Variants in GABPB1 observed in about 807,000 individuals in gnomAD.
The protein encoded by GABPB1 is GA binding protein transcription factor subunit beta 1, also known as GA-binding protein subunit beta-1.
In GABPB1, 15 loss-of-function variants were observed where a neutral mutation model predicts 45.9. The observed-to-expected ratio is 0.33, with a 90% CI of 0.22 to 0.50. The LOEUF is 0.50. Among genes scored for constraint, GABPB1 ranks in the 20% least tolerant of loss-of-function variants. GABPB1 has a pLI of 0.98. For synonymous variants in GABPB1, 143 were observed against 154.4 expected (o/e 0.93, Z 0.55); for missense variants, 252 against 457.5 (o/e 0.55, Z 4.10).
rs2045874417 is a variant in GABPB1 at position 50,278,141 on chromosome 15, G to A, written c.*491C>T. 6.6e-6 allele frequency: 1 copy of A among 152,572 alleles called. No homozygotes were observed. The allele number at this position is 152,572 out of a possible 1,614,324, so 9.5% of individuals were successfully genotyped here. A position where few individuals can be genotyped will look rare whatever the true frequency, so the allele number is the denominator to read the frequency against. ...TTGCTTTCTAAAAAATGTTTTCAGA[G>A]AATCTGACACAACTTAAAGCTGTAC... On this transcript the variant is annotated 3_prime_UTR_variant, in exon 9 of 9. Transcript: ENST00000380877.
chr15:50,328,528 G>A (rs1043629909), intron 1 of GABPB1, among the ~76,000 whole-genome samples: 2 of 152,194 alleles, frequency 1.3e-5, no homozygotes, highest in Non-Finnish European at 2.9e-5. Context: ...GACAAAAAAT[G>A]TCAATAGCAA....
chr15:50,294,100 G>A (rs2046433748), intron 6 of GABPB1, among the ~76,000 whole-genome samples: 1 of 152,148 alleles, frequency 6.6e-6, no homozygotes, highest in Non-Finnish European at 1.5e-5. Context: ...GACGACATCT[G>A]AGATCTCTTG....
At chr15:50,328,897 C>A (rs185449826) in intron 1 of GABPB1, among the ~76,000 whole-genome samples, 20 of 152,242 alleles carry the variant, frequency 1.3e-4, no homozygotes, top group Middle Eastern at 3.4e-3. Flanking sequence ...AATATATTAT[C>A]GTTTTTCATT....
At chr15:50,353,025 G>T (rs1356233577) in intron 1 of GABPB1, 1 of 152,126 alleles carries the variant, frequency 6.6e-6, no homozygotes, top group Non-Finnish European at 1.5e-5. Flanking sequence ...TGTAAAATCT[G>T]TACCTCCTAT....
rs1186407065 is a variant in GABPB1 at position 50,276,297 on chromosome 15, G to C, written c.*2335C>G. ...CTATTGAGAATGACTAGAATGCAAA[G>C]CTTTTACAGCCCACCTGAAAACAGC... On this transcript the variant is annotated 3_prime_UTR_variant, in exon 9 of 9. Coordinates refer to ENST00000380877, the MANE Select transcript of GABPB1 (RefSeq NM_016654.5). 1 of 152,190 alleles carries C rather than the reference G, an allele frequency of 6.6e-6. No individual in the cohort carries two copies. The allele number at this position is 152,190 out of a possible 1,614,324, so 9.4% of individuals were successfully genotyped here. A position where few individuals can be genotyped will look rare whatever the true frequency, so the allele number is the denominator to read the frequency against.
intron 1 of GABPB1, chr15:50,351,197 A>C (rs1382408507): frequency 6.6e-6 from 1 of 152,266 alleles, no homozygotes; most frequent in Non-Finnish European, 1.5e-5. Flanking sequence ...CAAAAAGCCA[A>C]CACAATACCC....
At chr15:50,280,355 A>G (rs1218182637) in intron 8 of GABPB1, among the ~76,000 whole-genome samples, 1 of 152,196 alleles carries the variant, frequency 6.6e-6, no homozygotes, top group Non-Finnish European at 1.5e-5. Context: ...CAGGACTTTA[A>G]GGACACCAAT....
At chr15:50,338,437 C>T (rs1276304720) in intron 1 of GABPB1, among the ~76,000 whole-genome samples, 1 of 152,122 alleles carries the variant, frequency 6.6e-6, no homozygotes, top group East Asian at 1.9e-4. Flanking sequence ...AAACATACTA[C>T]ATAAAAAAAT....
chr15:50,318,143 T>C (rs2047417290), intron 1 of GABPB1, among the ~76,000 whole-genome samples: 2 of 152,178 alleles, frequency 1.3e-5, no homozygotes, highest in Admixed American at 1.3e-4. Context: ...AACAAGATCA[T>C]TATTGTCTCC....
At position 50,277,897 on chromosome 15, in the gene GABPB1, A is replaced by G. The variant is rs1441173333; in HGVS notation, c.*735T>C. On this transcript the variant is annotated 3_prime_UTR_variant, in exon 9 of 9. Transcript: ENST00000380877. ...TGTCATTCCAATAAAACCAGCTGCC[A>G]GCTTACTTCGTTTCAATGACCTACA... 6.6e-6 allele frequency: 1 copy of G among 152,272 alleles called. No homozygotes were observed. The highest frequency in any genetic ancestry group is 1.9e-4 in the East Asian group (1 of 5,200). 9.4% of individuals were successfully genotyped at this position (152,272 alleles called of 1,614,324 possible). A position where few individuals can be genotyped will look rare whatever the true frequency, so the allele number is the denominator to read the frequency against.
intron 8 of GABPB1, among the ~76,000 whole-genome samples, chr15:50,281,594 A>G (rs2045981522): frequency 6.6e-6 from 1 of 152,210 alleles, no homozygotes; most frequent in Non-Finnish European, 1.5e-5. Context: ...AACTGCCCTG[A>G]GCCAAATATG....
intron 6 of GABPB1, among the ~76,000 whole-genome samples, chr15:50,298,764 C>T (rs1400124845): frequency 2.0e-5 from 3 of 152,076 alleles, no homozygotes; most frequent in Non-Finnish European, 2.9e-5. Flanking sequence ...CCAGCTTGGC[C>T]AACATGGTGA....
At chr15:50,325,207 G>C (rs371212534) in intron 1 of GABPB1, among the ~76,000 whole-genome samples, 25 of 151,818 alleles carry the variant, frequency 1.6e-4, no homozygotes, top group African/African-American at 6.0e-4. Context: ...GTACCCCATG[G>C]TAAGTGGGCC....
intron 6 of GABPB1, 53 bp downstream of exon 6, chr15:50,300,736 C>T (rs2046710808): frequency 8.9e-7 from 1 of 1,128,216 alleles, no homozygotes; most frequent in African/African-American, 1.5e-5. Flanking sequence ...TGAGCCACGG[C>T]ACCCAGCCTG....
intron 2 of GABPB1, among the ~76,000 whole-genome samples, chr15:50,306,943 A>G (rs2046970675): frequency 6.6e-6 from 1 of 152,128 alleles, no homozygotes; most frequent in South Asian, 2.1e-4. Context: ...AGTAAACCAC[A>G]ATTAATTTAA....
chr15:50,343,000 C>A (rs1487318057), intron 1 of GABPB1, among the ~76,000 whole-genome samples: 1 of 151,934 alleles, frequency 6.6e-6, no homozygotes, highest in South Asian at 2.1e-4. Context: ...CCCGGGTTCA[C>A]GCCATTCTCC....
intron 1 of GABPB1, among the ~76,000 whole-genome samples, chr15:50,318,961 G>A (rs2047453168): frequency 6.6e-6 from 1 of 152,192 alleles, no homozygotes; most frequent in Admixed American, 6.5e-5. Flanking sequence ...TTCCTGGGGT[G>A]TAATGTAAAG....
chr15:50,329,827 T>A (rs185671223), intron 1 of GABPB1, among the ~76,000 whole-genome samples: 1 of 152,148 alleles, frequency 6.6e-6, no homozygotes, highest in Non-Finnish European at 1.5e-5. Context: ...GTTTCTAATT[T>A]GTCTTTTAAG....
At position 50,340,989 on chromosome 15, in the gene GABPB1, ATATTACATATTACATATGGTT is replaced by A. The variant is rs1238601998; in HGVS notation, c.-1+13975_-1+13995del. Among the ~76,000 whole-genome samples the A allele has an allele frequency of 1.4e-3, 166 of 120,970 alleles. 1 individual carries two copies. Among genetic ancestry groups the A allele is most frequent in the African/African-American group, 4.4e-3 (145 of 32,844 alleles). 79.4% of individuals were successfully genotyped at this position (120,970 alleles called of 152,430 possible). Reference sequence around the variant, plus strand: ...TACATATGGTTTATTACCATATGTAATATTACATATTACATATGGTTTATTACATATTACATATGGTTTATT... The same window carrying A: ...TACATATGGTTTATTACCATATGTAATATTACATATTACATATGGTTTATT... On this transcript the variant is annotated intron_variant, in intron 1 of 8. Transcript: ENST00000380877.
Sources: gnomAD v4.1 joint callset for allele counts (sites outside exome capture counted in the v4.1 genomes callset) on GRCh38, gnomAD v4.1.1 for gene constraint, MANE v1.5 for transcripts, NCBI Gene and HGNC (gene_info 2026-07-23, HGNC 2026-07-21) for gene names.